DCTN6: variants seen among roughly 807,000 people sequenced by gnomAD.
DCTN6 encodes the protein dynactin 6.
DCTN6 carries 15 observed loss-of-function variants against 25.8 expected under a neutral mutation model. The ratio of observed to expected loss-of-function variants is 0.58; its 90% CI spans 0.39 to 0.89. The LOEUF is 0.89. Among genes scored for constraint, DCTN6 ranks in the 40% least tolerant of loss-of-function variants. DCTN6 has a pLI of 0.00. For missense variants in DCTN6, 198 were observed against 237.6 expected, an observed-to-expected ratio of 0.83 and a Z score of 1.09; for synonymous variants, 64 against 78.3, an observed-to-expected ratio of 0.82 and a Z score of 0.96.
intron 1 of DCTN6, among the ~76,000 whole-genome samples, chr8:30,163,204 G>A (rs558014551): frequency 1.1e-4 from 17 of 152,268 alleles, no homozygotes; most frequent in African/African-American, 4.1e-4. Flanking sequence ...GGCTGAGGCA[G>A]GAGAGTTGCT....
intron 2 of DCTN6, among the ~76,000 whole-genome samples, chr8:30,172,481 G>A (rs1563230294): frequency 6.6e-6 from 1 of 151,204 alleles, no homozygotes; most frequent in African/African-American, 2.4e-5. Context: ...ATGGAGTCTC[G>A]GCTCTGTCAC....
intron 2 of DCTN6, among the ~76,000 whole-genome samples, chr8:30,170,027 G>T (rs372145089): frequency 1.2e-4 from 18 of 152,070 alleles, no homozygotes; most frequent in African/African-American, 4.3e-4. Context: ...CAAAAAATTA[G>T]CTGGGCGTGG....
chr8:30,175,508 G>A (rs906279889), intron 3 of DCTN6, among the ~76,000 whole-genome samples: 1 of 151,304 alleles, frequency 6.6e-6, no homozygotes, highest in African/African-American at 2.4e-5. Context: ...TCCAAGTGCT[G>A]TGCCCACCAC....
intron 1 of DCTN6, among the ~76,000 whole-genome samples, chr8:30,163,327 GC>G (rs1803621537): frequency 6.6e-6 from 1 of 152,020 alleles, no homozygotes; most frequent in African/African-American, 2.4e-5. Flanking sequence ...TCACTATGTT[GC>G]CCAGGCTGGT....
At chr8:30,165,195 A>T (rs147500018) in intron 2 of DCTN6, among the ~76,000 whole-genome samples, 174 of 152,312 alleles carry the variant, frequency 1.1e-3, no homozygotes, top group Admixed American at 3.2e-3. Context: ...TTCTCAGTGT[A>T]GCCTTGCCAG....
At chr8:30,171,428 T>A (rs1241994978) in intron 2 of DCTN6, among the ~76,000 whole-genome samples, 1 of 151,716 alleles carries the variant, frequency 6.6e-6, no homozygotes, top group Non-Finnish European at 1.5e-5. Context: ...TTTTTTTTAA[T>A]TTTTCATTTT....
At chr8:30,161,375 T>G (rs1278802631) in intron 1 of DCTN6, among the ~76,000 whole-genome samples, 2 of 152,146 alleles carry the variant, frequency 1.3e-5, no homozygotes, top group Non-Finnish European at 2.9e-5. Context: ...GCCTGCATTA[T>G]CTCTGTAGGA....
At chr8:30,168,058 T>A (rs1307309110) in intron 2 of DCTN6, among the ~76,000 whole-genome samples, 1 of 152,188 alleles carries the variant, frequency 6.6e-6, no homozygotes, top group Middle Eastern at 3.2e-3. Flanking sequence ...AGCCTCCAAG[T>A]GAATACTTGT....
Position 30,178,023 on chromosome 8 carries a change from G to A in DCTN6, c.283+809G>A, listed in dbSNP as rs1803864386. On this transcript the variant is annotated intron_variant, in intron 4 of 6. Transcript: ENST00000221114. ...TCAAGAACCCCAGCTTTGTCAGTGT[G>A]GTTCCTCTGTAGTTTTAGGTAGACA... 2.0e-5 allele frequency among the ~76,000 whole-genome samples: 3 copies of A among 152,108 alleles called. No homozygotes were observed. In the South Asian group the frequency reaches 6.2e-4, roughly 32 times the overall value.
intron 5 of DCTN6, among the ~76,000 whole-genome samples, 190 bp downstream of exon 5, chr8:30,179,645 A>G (rs988680279): frequency 1.3e-5 from 2 of 152,230 alleles, no homozygotes; most frequent in African/African-American, 4.8e-5. Flanking sequence ...TGTTAAATAC[A>G]TTAAATTTAA....
intron 2 of DCTN6, among the ~76,000 whole-genome samples, chr8:30,167,904 T>C (rs1157664867): frequency 6.6e-6 from 1 of 152,166 alleles, no homozygotes; most frequent in African/African-American, 2.4e-5. Context: ...TTTCACCATG[T>C]TGGTCAGGCT....
At chr8:30,156,601 G>C (rs1262482342) in intron 1 of DCTN6, among the ~76,000 whole-genome samples, 195 bp downstream of exon 1, 1 of 152,164 alleles carries the variant, frequency 6.6e-6, no homozygotes, top group Non-Finnish European at 1.5e-5. Context: ...AAGGGACGCG[G>C]AGTCGCTGCC....
At chr8:30,166,549 G>A (rs1029115994) in intron 2 of DCTN6, among the ~76,000 whole-genome samples, 1 of 151,888 alleles carries the variant, frequency 6.6e-6, no homozygotes, top group Non-Finnish European at 1.5e-5. Flanking sequence ...CAGGCATTAT[G>A]TGGTGGGGGG....
In DCTN6 at chr8:30,177,132, A is replaced by G. The variant is rs760182152; in HGVS notation, c.201A>G (p.Pro67=). Residue 67 remains proline, a synonymous_variant, in exon 4 of 7, where the codon CCA becomes CCG. Coordinates refer to ENST00000221114, the MANE Select transcript of DCTN6 (RefSeq NM_006571.4). ...EEQALIINAY[P]DNITPDTEDP... ...TTGTTTCTTCTGTTTACAGTTACCC[A>G]GATAATATCACTCCTGACACTGAAG... 4.3e-6 allele frequency: 7 copies of G among 1,611,510 alleles called. No homozygotes were observed. Among genetic ancestry groups the G allele is most frequent in the Non-Finnish European group, 5.9e-6 (7 of 1,178,650 alleles).
At chr8:30,176,867 C>A in intron 3 of DCTN6, 1 of 316,976 alleles carries the variant, frequency 3.2e-6, no homozygotes, top group Non-Finnish European at 5.9e-6. Flanking sequence ...CCCAGCTACT[C>A]GGGAGGCTGA....
At chr8:30,175,289 C>T in intron 3 of DCTN6, 99 bp downstream of exon 3, 1 of 997,386 alleles carries the variant, frequency 1.0e-6, no homozygotes, top group South Asian at 1.5e-5. Flanking sequence ...ATCCAGGAGG[C>T]CTACTATTTT....
At chr8:30,158,460 A>G (rs573161372) in intron 1 of DCTN6, among the ~76,000 whole-genome samples, 4 of 152,300 alleles carry the variant, frequency 2.6e-5, no homozygotes, top group Non-Finnish European at 5.9e-5. Flanking sequence ...ATCATGGAAA[A>G]ACATCTGGAG....
Position 30,164,135 on chromosome 8 carries a change from T to G in DCTN6, c.48T>G (p.Val16=). 6.2e-7 allele frequency: 1 copy of G among 1,613,880 alleles called. No individual in the cohort carries two copies. Among genetic ancestry groups the G allele is most frequent in the East Asian group, 2.2e-5 (1 of 44,886 alleles). The change falls in exon 2 of 7, where the codon GTT becomes GTG. Residue 16 remains valine, a synonymous_variant. Coordinates refer to ENST00000221114, the MANE Select transcript of DCTN6 (RefSeq NM_006571.4). ...QKSVKIAPGA[V]VCVESEIRGD... is the part of the protein sequence containing the mutation. ...GTGTGAAGATTGCTCCTGGAGCAGTTGTATGTGTAGAAAGTGAAATCAGAG... is the reference window on the plus strand; with the variant it reads ...GTGTGAAGATTGCTCCTGGAGCAGTGGTATGTGTAGAAAGTGAAATCAGAG...
At chr8:30,173,000 A>G (rs1160751460) in intron 2 of DCTN6, among the ~76,000 whole-genome samples, 1 of 152,188 alleles carries the variant, frequency 6.6e-6, no homozygotes, top group Non-Finnish European at 1.5e-5. Context: ...GATCCATCCC[A>G]TCTTCCATCC....
Sources: allele counts gnomAD v4.1 joint callset (sites outside exome capture counted in the v4.1 genomes callset), GRCh38; gene constraint gnomAD v4.1.1; transcripts MANE v1.5; gene names NCBI Gene and HGNC (gene_info 2026-07-23, HGNC 2026-07-21).